The following PXDNL variants were observed in gnomAD, a reference collection of about 807,000 sequenced individuals.
PXDNL encodes the protein probable oxidoreductase PXDNL.
In PXDNL, 145 loss-of-function variants were observed where a neutral mutation model predicts 150.8. The observed-to-expected ratio is 0.96, with a 90% confidence interval of 0.84 to 1.10. The LOEUF is 1.10. PXDNL is among the 50% of genes least tolerant of loss of function. PXDNL has a pLI of 0.00. For missense variants in PXDNL, 2,087 were observed against 1,873.9 expected (o/e 1.11, Z -2.10); for synonymous variants, 757 against 725.7 (o/e 1.04, Z -0.69).
At chr8:51,759,950 T>C (rs2037143519) in intron 1 of PXDNL, among the ~76,000 whole-genome samples, 1 of 152,234 alleles carries the variant, frequency 6.6e-6, no homozygotes, top group Non-Finnish European at 1.5e-5. Context: ...GTGCTGTTTC[T>C]TGAGGGTCCA....
intron 18 of PXDNL, among the ~76,000 whole-genome samples, chr8:51,374,357 G>A (rs1397788639): frequency 6.6e-6 from 1 of 152,066 alleles, no homozygotes; most frequent in Non-Finnish European, 1.5e-5. Flanking sequence ...CCTCTCAATC[G>A]CCAACTTCTA....
Position 51,559,332 on chromosome 8 carries a change from C to CG in PXDNL, c.309-2422_309-2421insC, listed in dbSNP as rs1491080601. Among the ~76,000 whole-genome samples the CG allele has an allele frequency of 3.0e-3, 95 of 31,334 alleles. 1 individual carries two copies. In the African/African-American group the frequency reaches 0.039, roughly 13 times the overall value. 20.6% of individuals were successfully genotyped at this position (31,334 alleles called of 152,430 possible). On this transcript the variant is annotated intron_variant, in intron 3 of 22. Transcript: ENST00000356297. Reference sequence around the variant, plus strand: ...TGGCTTATTTTTGTTTCTTCCAAACCCCCCCCCCCCCCGCCACCTTCTTTC... The same window carrying CG: ...TGGCTTATTTTTGTTTCTTCCAAACCGCCCCCCCCCCCCGCCACCTTCTTTC...
intron 17 of PXDNL, among the ~76,000 whole-genome samples, chr8:51,395,143 C>T (rs1257107869): frequency 6.6e-6 from 1 of 152,202 alleles, no homozygotes; most frequent in Non-Finnish European, 1.5e-5. Context: ...CTCCCAAGAC[C>T]CTAGAGAGGG....
chr8:51,472,126 G>A, intron 8 of PXDNL, 61 bp downstream of exon 8: 4 of 1,129,596 alleles, frequency 3.5e-6, no homozygotes, highest in Non-Finnish European at 5.3e-6. Flanking sequence ...GTTAAATTGA[G>A]TTAAAAAGAT....
intron 2 of PXDNL, among the ~76,000 whole-genome samples, chr8:51,641,921 GC>G (rs1814765524): frequency 6.6e-6 from 1 of 152,048 alleles, no homozygotes; most frequent in African/African-American, 2.4e-5. Flanking sequence ...GTTTATTGCA[GC>G]TCTATTCACA....
At chr8:51,760,419 T>A (rs2037149024) in intron 1 of PXDNL, among the ~76,000 whole-genome samples, 1 of 152,128 alleles carries the variant, frequency 6.6e-6, no homozygotes, top group South Asian at 2.1e-4. Context: ...AAATAAATAT[T>A]CAGAGCACAG....
intron 1 of PXDNL, among the ~76,000 whole-genome samples, chr8:51,725,309 G>A (rs80067738): frequency 0.051 from 7,712 of 152,162 alleles, 214 homozygotes; most frequent in African/African-American, 0.074. Flanking sequence ...TGGGCATGTC[G>A]GTGTTTTTGT....
intron 17 of PXDNL, among the ~76,000 whole-genome samples, chr8:51,399,034 C>T (rs1310315446): frequency 6.6e-6 from 1 of 152,096 alleles, no homozygotes; most frequent in African/African-American, 2.4e-5. Context: ...AGTAGAAAGT[C>T]TGTGAACTAG....
intron 4 of PXDNL, among the ~76,000 whole-genome samples, chr8:51,526,967 G>C (rs1052058412): frequency 6.6e-6 from 1 of 152,184 alleles, no homozygotes; most frequent in African/African-American, 2.4e-5. Context: ...TCAACCATGA[G>C]CCTCTCTTCA....
intron 4 of PXDNL, among the ~76,000 whole-genome samples, chr8:51,555,626 G>A (rs1812583473): frequency 6.6e-6 from 1 of 152,006 alleles, no homozygotes; most frequent in Non-Finnish European, 1.5e-5. Context: ...CATTGAATAT[G>A]GAAACAAATT....
intron 2 of PXDNL, among the ~76,000 whole-genome samples, chr8:51,644,333 T>TACAC (rs1362810682): frequency 9.5e-5 from 5 of 52,626 alleles, no homozygotes; most frequent in East Asian, 1.5e-3. Flanking sequence ...TATATATATA[T>TACAC]ATATACACAC....
chr8:51,470,417 A>G (rs28541944), intron 8 of PXDNL, among the ~76,000 whole-genome samples: 6,373 of 152,220 alleles, frequency 0.042, 429 homozygotes, highest in African/African-American at 0.14. Flanking sequence ...TGTTTTATAC[A>G]AACAAGCAAA....
At chr8:51,502,850 G>A (rs923375458) in intron 4 of PXDNL, among the ~76,000 whole-genome samples, 4 of 152,100 alleles carry the variant, frequency 2.6e-5, no homozygotes, top group Non-Finnish European at 5.9e-5. Context: ...TCGCTTGGGA[G>A]GGCATCTTAT....
In PXDNL at chr8:51,731,750, T is replaced by C. The variant is rs61183498; in HGVS notation, c.165-76990A>G. Among the ~76,000 whole-genome samples, 1,462 of 152,314 alleles carry C rather than the reference T, an allele frequency of 9.6e-3. 23 individuals are homozygous for C. Among genetic ancestry groups the C allele is most frequent in the African/African-American group, 0.033 (1,391 of 41,562 alleles). ...TCTTAACTTCTGTGGACTCACATGC[T>C]CAACACCATGTATAAGCCATCAAAG... On this transcript the variant is annotated intron_variant, in intron 1 of 22. Transcript: ENST00000356297.
At chr8:51,601,832 C>T (rs1328993746) in intron 2 of PXDNL, among the ~76,000 whole-genome samples, 2 of 151,390 alleles carry the variant, frequency 1.3e-5, no homozygotes, top group Non-Finnish European at 2.9e-5. Flanking sequence ...AGGCTATGCA[C>T]TTAAATGTGT....
chr8:51,644,423 T>TAC (rs368373901), intron 2 of PXDNL, among the ~76,000 whole-genome samples: 63,655 of 114,666 alleles, frequency 0.56, 20,803 homozygotes, highest in Non-Finnish European at 0.72. Context: ...TGTATATATA[T>TAC]ACACATATGT....
At chr8:51,558,948 C>A (rs555377780) in intron 3 of PXDNL, among the ~76,000 whole-genome samples, 1 of 151,976 alleles carries the variant, frequency 6.6e-6, no homozygotes, top group Non-Finnish European at 1.5e-5. Flanking sequence ...CAAATTCTTC[C>A]CCCCAATGAG....
chr8:51,543,179 G>T (rs1365789712), intron 4 of PXDNL, among the ~76,000 whole-genome samples: 1 of 152,120 alleles, frequency 6.6e-6, no homozygotes, highest in South Asian at 2.1e-4. Context: ...CAAGATCAAA[G>T]AGCTAAGTGC....
intron 7 of PXDNL, among the ~76,000 whole-genome samples, chr8:51,473,458 T>G (rs1434226428): frequency 6.6e-6 from 1 of 152,108 alleles, no homozygotes; most frequent in Non-Finnish European, 1.5e-5. Context: ...TAATTCATAT[T>G]TAAAAGGAGG....
Sources: gnomAD v4.1 joint callset for allele counts (sites outside exome capture counted in the v4.1 genomes callset) on GRCh38, gnomAD v4.1.1 for gene constraint, MANE v1.5 for transcripts, NCBI Gene and HGNC (gene_info 2026-07-23, HGNC 2026-07-21) for gene names.